The following SLC2A2 variants were observed in gnomAD, a reference collection of about 807,000 sequenced individuals.
The protein encoded by SLC2A2 is solute carrier family 2, facilitated glucose transporter member 2.
A neutral mutation model predicts 54.5 loss-of-function variants in SLC2A2; 36 were observed. That is an observed-to-expected ratio of 0.66 (90% CI 0.51 to 0.87). SLC2A2 has a LOEUF of 0.87. Among genes scored for constraint, SLC2A2 ranks in the 40% least tolerant of loss-of-function variants. The pLI is 0.00. For missense variants in SLC2A2, 543 were observed against 624.3 expected (o/e 0.87, Z 1.39); for synonymous variants, 223 against 219.1 (o/e 1.02, Z -0.16).
chr3:171,016,945 C>T (rs1430364099), intron 2 of SLC2A2, among the ~76,000 whole-genome samples: 2 of 151,820 alleles, frequency 1.3e-5, no homozygotes, highest in Non-Finnish European at 1.5e-5. Context: ...CTCTGCCTCC[C>T]GGGTTCAAGT....
chr3:171,012,712 T>C (rs1349819513), intron 3 of SLC2A2, among the ~76,000 whole-genome samples: 2 of 152,182 alleles, frequency 1.3e-5, no homozygotes, highest in Non-Finnish European at 2.9e-5. Context: ...TCTCAATGAA[T>C]CTCTCTAGAA....
Position 171,010,000 on chromosome 3 carries a change from T to C in SLC2A2, c.454A>G (p.Ile152Val). Residue 152 changes from isoleucine (I) to valine (V), a missense_variant, in exon 4 of 11, where the codon ATA becomes GTA. Coordinates refer to ENST00000314251, the MANE Select transcript of SLC2A2 (RefSeq NM_000340.2). Reference sequence around the variant, plus strand: ...ATGCTTCTTCCAGCAATTATAAGTATATGAGATGGTCCCAATTTTGAAAAC... The same window carrying C: ...ATGCTTCTTCCAGCAATTATAAGTACATGAGATGGTCCCAATTTTGAAAAC... ...MGFSKLGPSH[I>V]LIIAGRSISG... The C allele has an allele frequency of 4.3e-6, 7 of 1,612,202 alleles. No individual in the cohort carries two copies. Among genetic ancestry groups the C allele is most frequent in the Non-Finnish European group, 5.9e-6 (7 of 1,179,164 alleles).
chr3:171,017,444 T>C lies in SLC2A2; in HGVS notation c.108+1087A>G, dbSNP rs548254581. Among the ~76,000 whole-genome samples, 4 of 152,302 alleles carry C rather than the reference T, an allele frequency of 2.6e-5. No individual in the cohort carries two copies. In the East Asian group the frequency reaches 7.7e-4, roughly 29 times the overall value. On this transcript the variant is annotated intron_variant, in intron 2 of 10. Transcript: ENST00000314251. ...GCCCTTTTCAGGTGATGGATTATGG[T>C]CAGCGCATATTTCACATATCCACAC...
chr3:171,014,890 T>A (rs1204303001), intron 2 of SLC2A2, among the ~76,000 whole-genome samples, 159 bp from the exon 3 acceptor site: 1 of 152,166 alleles, frequency 6.6e-6, no homozygotes, highest in African/African-American at 2.4e-5. Flanking sequence ...GGCCATATCC[T>A]ATAAAAGAAA....
At chr3:171,004,760 C>A (rs1242502572) in intron 7 of SLC2A2, among the ~76,000 whole-genome samples, 1 of 151,950 alleles carries the variant, frequency 6.6e-6, no homozygotes, top group Non-Finnish European at 1.5e-5. Context: ...TGTCTACCGT[C>A]CTTAGTCAAC....
intron 2 of SLC2A2, among the ~76,000 whole-genome samples, chr3:171,015,657 A>ATCTTTTGTT (rs1716118253): frequency 1.3e-5 from 2 of 152,290 alleles, no homozygotes; most frequent in Non-Finnish European, 2.9e-5. Context: ...CAAACACTAG[A>ATCTTTTGTT]TGGTGTATCT....
At chr3:171,014,406 C>A in intron 3 of SLC2A2, 63 bp downstream of exon 3, 2 of 1,539,956 alleles carry the variant, frequency 1.3e-6, no homozygotes, top group Middle Eastern at 1.7e-4. Context: ...TTTTTCTAAA[C>A]AAGTGTTAGG....
At chr3:171,017,761 G>A (rs973011692) in intron 2 of SLC2A2, among the ~76,000 whole-genome samples, 1 of 152,156 alleles carries the variant, frequency 6.6e-6, no homozygotes, top group Non-Finnish European at 1.5e-5. Flanking sequence ...CTGGTTCCCC[G>A]ACTTATGGGC....
rs747555903 is a variant in SLC2A2, at chr3:171,014,662, C to T, written c.178G>A (p.Val60Ile). 6.2e-7 allele frequency: 1 copy of T among 1,613,884 alleles called. No individual in the cohort carries two copies. Among genetic ancestry groups the T allele is most frequent in the African/African-American group, 1.3e-5 (1 of 74,902 alleles). Residue 60 changes from valine to isoleucine, a missense_variant, in exon 3 of 11, where the codon GTT (valine) becomes ATT (isoleucine). Transcript: ENST00000314251. ...LDDRKAINNY[V>I]INSTDELPTI... ...GGCAGTTCATCTGTACTGTTGATAA[C>T]ATAGTTGTTGATAGCTTTTCGGTCA...
intron 1 of SLC2A2, among the ~76,000 whole-genome samples, chr3:171,019,059 G>A (rs1010959005): frequency 8.2e-6 from 1 of 121,366 alleles, no homozygotes; most frequent in African/African-American, 4.0e-5. Flanking sequence ...TTGTTGATAT[G>A]TGTGTGTGTG....
At chr3:171,012,873 C>T (rs1264093844) in intron 3 of SLC2A2, among the ~76,000 whole-genome samples, 2 of 152,050 alleles carry the variant, frequency 1.3e-5, no homozygotes, top group Non-Finnish European at 2.9e-5. Flanking sequence ...GATACGTGGT[C>T]ATTTGACATT....
At chr3:171,004,410 T>G (rs1232356018) in intron 7 of SLC2A2, among the ~76,000 whole-genome samples, 1 of 150,898 alleles carries the variant, frequency 6.6e-6, no homozygotes, top group Non-Finnish European at 1.5e-5. Context: ...CACAGTGGAG[T>G]TTGTGGAGTG....
At chr3:171,017,066 G>C (rs1716187731) in intron 2 of SLC2A2, among the ~76,000 whole-genome samples, 1 of 151,912 alleles carries the variant, frequency 6.6e-6, no homozygotes. Flanking sequence ...TGGTCAGGCT[G>C]GTCTCGAACT....
At chr3:170,999,336 C>T (rs964130305) in intron 8 of SLC2A2, among the ~76,000 whole-genome samples, 170 bp from the exon 9 acceptor site, 5 of 151,978 alleles carry the variant, frequency 3.3e-5, no homozygotes, top group Non-Finnish European at 5.9e-5. Flanking sequence ...GTGACTCTAG[C>T]CCCAGGTGGC....
chr3:171,000,148 C>T (rs73169710), intron 8 of SLC2A2, among the ~76,000 whole-genome samples: 242 of 151,970 alleles, frequency 1.6e-3, no homozygotes, highest in South Asian at 8.3e-3. Flanking sequence ...ATTTCACCTA[C>T]AGTGAAAGCC....
intron 3 of SLC2A2, among the ~76,000 whole-genome samples, chr3:171,013,881 A>C (rs1170188524): frequency 1.3e-5 from 2 of 152,216 alleles, no homozygotes; most frequent in Admixed American, 6.5e-5. Context: ...AATCCAAAAA[A>C]CCTAACAGAA....
Position 170,998,208 on chromosome 3 carries a change from A to G in SLC2A2, c.1359T>C (p.Cys453=), listed in dbSNP as rs1715182989. The G allele has an allele frequency of 6.2e-7, 1 of 1,613,668 alleles. No individual in the cohort carries two copies. The highest frequency in any genetic ancestry group is 1.7e-5 in the Admixed American group (1 of 59,898). Residue 453 remains cysteine (C), a synonymous_variant, in exon 10 of 11, where the codon TGT becomes TGC. Transcript: ENST00000314251. The stretch of plus-strand genomic sequence containing the variant: ...GGCTGCTTACCGCAATGTACTGGAA[A>G]CACAGAGCTACAATGAAATTGCAGG... ...NWTCNFIVAL[C]FQYIADFCGP... is the part of the protein sequence containing the mutation.
chr3:171,005,395 T>G lies in SLC2A2; in HGVS notation c.853A>C (p.Ser285Arg), dbSNP rs776912318. Residue 285 changes from serine to arginine, a missense_variant, in exon 7 of 11, where the codon AGT becomes CGT. Ser to Arg is a moderately radical substitution (Grantham distance 110, BLOSUM62 -1). Coordinates refer to ENST00000314251, the MANE Select transcript of SLC2A2 (RefSeq NM_000340.2). Reference protein sequence around the residue: ...EMRKEREEASSEQKVSIIQLF... With the variant: ...EMRKEREEASREQKVSIIQLF... ...TGAATTATAGAGACTTTCTGCTCAC[T>G]CGATGCTTCTTCTCTTTCTTTTCTC... 6.2e-7 allele frequency: 1 copy of G among 1,612,758 alleles called. No homozygotes were observed. The highest frequency in any genetic ancestry group is 1.1e-5 in the South Asian group (1 of 91,044).
At chr3:171,023,734 A>T (rs1716565885) in intron 1 of SLC2A2, among the ~76,000 whole-genome samples, 1 of 152,194 alleles carries the variant, frequency 6.6e-6, no homozygotes, top group Non-Finnish European at 1.5e-5. Context: ...CATTTCACAT[A>T]TGGGGGAGCT....
Sources: allele counts gnomAD v4.1 joint callset (sites outside exome capture counted in the v4.1 genomes callset), GRCh38; gene constraint gnomAD v4.1.1; transcripts MANE v1.5; gene names NCBI Gene and HGNC (gene_info 2026-07-23, HGNC 2026-07-21).